NBPF20: variants seen among roughly 807,000 people sequenced by gnomAD.
The protein encoded by NBPF20 is NBPF family member NBPF20.
In NBPF20, 90 loss-of-function variants were observed where a neutral mutation model predicts 68.1. The ratio of observed to expected loss-of-function variants is 1.32; its 90% CI spans 1.11 to 1.58. NBPF20 has a LOEUF of 1.58. NBPF20 is among the 40% of genes most tolerant of loss of function. The probability of loss-of-function intolerance (pLI) is 0.00; values close to 1 mark genes in which losing one functional copy is unlikely to be tolerated. For missense variants in NBPF20, 816 were observed against 601.2 expected (o/e 1.36, Z -3.74); for synonymous variants, 290 against 228.1 (o/e 1.27, Z -2.45).
At chr1:145,424,580 C>T in the NBPF20 span, among the ~76,000 whole-genome samples, 41 of 152,158 alleles carry the variant, frequency 2.7e-4, no homozygotes, top group Non-Finnish European at 5.1e-4. Flanking sequence ...GGTATCACTG[C>T]AAGAAAAGAC....
In NBPF20 at chr1:145,291,772, G is replaced by C. The variant is rs201131223; in HGVS notation, c.16698-3C>G. ...CTTCCATCAGCACGCCGTTGAGCCT[G>C]GAAAAGGAGACAAAACTAAAGAAGC... On this transcript the variant is annotated splice_polypyrimidine_tract_variant and splice_region_variant and intron_variant, in intron 137 of 137. Coordinates refer to ENST00000369373, the Ensembl canonical transcript of NBPF20. 1.2e-6 allele frequency: 2 copies of C among 1,611,800 alleles called. No individual in the cohort carries two copies. Among genetic ancestry groups the C allele is most frequent in the Non-Finnish European group, 1.7e-6 (2 of 1,179,850 alleles).
chr1:145,402,030 A>T (rs1662547229), intron 4 of NBPF20, 137 bp downstream of exon 9: 1 of 656,198 alleles, frequency 1.5e-6, no homozygotes, highest in African/African-American at 2.0e-5. Flanking sequence ...TTACCCAAGA[A>T]GTCCTGGTCA....
chr1:145,408,406 TCTA>T (rs1662891294), upstream of NBPF20, among the ~76,000 whole-genome samples: 1 of 152,032 alleles, frequency 6.6e-6, no homozygotes, highest in Non-Finnish European at 1.5e-5. Context: ...TAAAAAAGAT[TCTA>T]CTAAAAAAAA....
At position 145,291,685 on chromosome 1, in the gene NBPF20, G is replaced by T; in HGVS notation, c.16782C>A (p.Tyr5594Ter). Residue 5594 changes from tyrosine to a stop codon, truncating the protein, a stop_gained, in exon 138 of 138, where the codon TAC becomes TAA. Transcript: ENST00000369373. LOFTEE classifies it high-confidence loss of function. ...GCTGGAATGAGTCAGGTAGTTCAAAGTACATTGACGGAGTAGAATAACATC... is the reference window on the plus strand; with the variant it reads ...GCTGGAATGAGTCAGGTAGTTCAAATTACATTGACGGAGTAGAATAACATC... 3 of 1,611,928 alleles carry T rather than the reference G, an allele frequency of 1.9e-6. No individual in the cohort carries two copies. The highest frequency in any genetic ancestry group is 2.5e-6 in the Non-Finnish European group (3 of 1,179,860).
exon 9 of NBPF20, chr1:145,393,929 C>T (rs1398652897): frequency 2.1e-5 from 29 of 1,381,966 alleles, no homozygotes; most frequent in East Asian, 9.1e-5. Flanking sequence ...TTGATCCCAC[C>T]GATGTCCTGC....
chr1:145,407,505 A>T (rs1323247118), upstream of NBPF20, among the ~76,000 whole-genome samples: 2 of 147,394 alleles, frequency 1.4e-5, no homozygotes, highest in African/African-American at 4.9e-5. Flanking sequence ...TATATAATAT[A>T]TATACGTGTA....
intron 7 of NBPF20, among the ~76,000 whole-genome samples, chr1:145,395,558 T>C (rs1389061947): frequency 4.0e-5 from 6 of 148,968 alleles, no homozygotes; most frequent in Admixed American, 1.3e-4. Context: ...TTTCCCAATA[T>C]TTTGATATAA....
chr1:145,415,228 C>A, the NBPF20 span, among the ~76,000 whole-genome samples: 1 of 151,630 alleles, frequency 6.6e-6, no homozygotes, highest in Non-Finnish European at 1.5e-5. Flanking sequence ...CCTTAAAGAG[C>A]AGTATTGCTG....
At chr1:145,408,602 G>A (rs1662898715), upstream of NBPF20, among the ~76,000 whole-genome samples, 1 of 151,444 alleles carries the variant, frequency 6.6e-6, no homozygotes, top group South Asian at 2.1e-4. Flanking sequence ...CTTATTCTAG[G>A]TTCTTTGATT....
At chr1:145,393,735 C>G (rs1272967976) in intron 9 of NBPF20, 149 bp downstream of exon 14, 4 of 1,511,280 alleles carry the variant, frequency 2.6e-6, no homozygotes, top group African/African-American at 1.4e-5. Flanking sequence ...AACATGTACT[C>G]TAATGAGAAC....
At chr1:145,410,795 TAC>T in the NBPF20 span, among the ~76,000 whole-genome samples, 2 of 104,154 alleles carry the variant, frequency 1.9e-5, no homozygotes, top group Admixed American at 1.1e-4. Flanking sequence ...CACATATATA[TAC>T]GTATATGTAT....
intron 2 of NBPF20, among the ~76,000 whole-genome samples, chr1:145,404,009 C>A (rs1413542348): frequency 1.7e-5 from 2 of 116,102 alleles, no homozygotes; most frequent in Admixed American, 9.7e-5. Flanking sequence ...CAGCAATTTA[C>A]AGAGGTAGGT....
chr1:145,395,376 C>G (rs1662174671), intron 7 of NBPF20, among the ~76,000 whole-genome samples: 1 of 145,358 alleles, frequency 6.9e-6, no homozygotes, highest in African/African-American at 2.6e-5. Flanking sequence ...GATGAGCCAA[C>G]TCAGGGCACC....
chr1:145,394,889 A>T (rs1334374494), intron 8 of NBPF20, 89 bp downstream of exon 13: 2 of 1,490,814 alleles, frequency 1.3e-6, no homozygotes, highest in Non-Finnish European at 1.9e-6. Flanking sequence ...GGCAAATCTC[A>T]GCCCAACAAG....
intron 8 of NBPF20, among the ~76,000 whole-genome samples, chr1:145,394,166 G>A (rs1287276460): frequency 6.6e-6 from 1 of 152,104 alleles, no homozygotes; most frequent in African/African-American, 2.4e-5. Flanking sequence ...TCTTCCCTAT[G>A]TGCTCTGTCC....
chr1:145,291,477 T>C (rs782237764), exon 138 of NBPF20: 1 of 1,612,000 alleles, frequency 6.2e-7, no homozygotes, highest in Non-Finnish European at 8.5e-7. Flanking sequence ...TTCACGTGCC[T>C]ATAGGTCCTG....
chr1:145,403,392 A>C, intron 2 of NBPF20, 74 bp from the exon 8 acceptor site: 1 of 1,189,734 alleles, frequency 8.4e-7, no homozygotes, highest in South Asian at 1.2e-5. Context: ...ACAGGGCAGG[A>C]GCCAGGTCCA....
At chr1:145,377,669 G>A (rs1477449313) in intron 29 of NBPF20, among the ~76,000 whole-genome samples, 24 of 140,514 alleles carry the variant, frequency 1.7e-4, no homozygotes, top group Admixed American at 7.8e-5. Context: ...AGGAGAAAGT[G>A]AGCTCAGCGA....
At chr1:145,407,399 T>A (rs587728236), upstream of NBPF20, among the ~76,000 whole-genome samples, 38 of 145,322 alleles carry the variant, frequency 2.6e-4, no homozygotes, top group East Asian at 7.3e-3. Context: ...CACGTGTATA[T>A]ATATTATACA....
Sources: allele counts gnomAD v4.1 joint callset (sites outside exome capture counted in the v4.1 genomes callset), GRCh38; gene constraint gnomAD v4.1.1; transcripts MANE v1.5; gene names NCBI Gene and HGNC (gene_info 2026-07-23, HGNC 2026-07-21).